Variants in STXBP5L observed in about 807,000 individuals in gnomAD.
The protein encoded by STXBP5L is syntaxin-binding protein 5-like.
A neutral mutation model predicts 144.5 loss-of-function variants in STXBP5L; 65 were observed. The ratio of observed to expected loss-of-function variants is 0.45; its 90% CI spans 0.37 to 0.55. The LOEUF is 0.55. Ranked by LOEUF, STXBP5L falls within the 20% of genes least tolerant of loss-of-function variation. The pLI is 0.00. For missense variants in STXBP5L, 1,298 were observed against 1,405.5 expected, an observed-to-expected ratio of 0.92 and a Z score of 1.22; for synonymous variants, 505 against 469.6, an observed-to-expected ratio of 1.08 and a Z score of -0.97.
At chr3:121,028,106 A>G (rs1380398346) in intron 3 of STXBP5L, among the ~76,000 whole-genome samples, 2 of 152,106 alleles carry the variant, frequency 1.3e-5, no homozygotes. Flanking sequence ...ATTAATTAAT[A>G]CAAGTATGTA....
chr3:120,976,696 T>C (rs1327195501), intron 3 of STXBP5L, among the ~76,000 whole-genome samples: 10 of 152,120 alleles, frequency 6.6e-5, no homozygotes, highest in Admixed American at 4.6e-4. Context: ...CTATAAATTT[T>C]CCTCTACACA....
intron 14 of STXBP5L, among the ~76,000 whole-genome samples, chr3:121,250,388 A>G (rs775722345): frequency 6.6e-6 from 1 of 152,034 alleles, no homozygotes; most frequent in Non-Finnish European, 1.5e-5. Flanking sequence ...TATCAAAATT[A>G]TCTATCCTTT....
intron 9 of STXBP5L, among the ~76,000 whole-genome samples, chr3:121,200,920 G>C (rs143583582): frequency 6.6e-6 from 1 of 152,146 alleles, no homozygotes; most frequent in Non-Finnish European, 1.5e-5. Context: ...GTCAATTTTA[G>C]AATAAGTGTT....
chr3:120,977,903 C>T (rs917163889), intron 3 of STXBP5L, among the ~76,000 whole-genome samples: 1 of 152,210 alleles, frequency 6.6e-6, no homozygotes, highest in African/African-American at 2.4e-5. Flanking sequence ...AGATTTTCTG[C>T]CAAGAGATCT....
chr3:121,093,400 C>T (rs1437376122), intron 5 of STXBP5L, among the ~76,000 whole-genome samples: 1 of 152,104 alleles, frequency 6.6e-6, no homozygotes, highest in Non-Finnish European at 1.5e-5. Context: ...TCCATCTGGT[C>T]CTGGACTCTT....
rs1260712929 is a variant in STXBP5L, at chr3:121,413,154, T to C, written c.2949-4T>C. 2 of 1,568,026 alleles carry C rather than the reference T, an allele frequency of 1.3e-6. No homozygotes were observed. Among genetic ancestry groups the C allele is most frequent in the African/African-American group, 2.7e-5 (2 of 72,966 alleles). ...GATATATGGATTTACTTTTTTCCAT[T>C]CAGCCTACCTAGTCTTCGCCCAATG... On this transcript the variant is annotated splice_polypyrimidine_tract_variant and splice_region_variant and intron_variant, in intron 23 of 26. Transcript: ENST00000471454.
intron 5 of STXBP5L, among the ~76,000 whole-genome samples, chr3:121,081,946 T>C (rs939251914): frequency 1.3e-5 from 2 of 152,188 alleles, no homozygotes; most frequent in African/African-American, 4.8e-5. Context: ...TGGGTCTATT[T>C]CAAGATTCTT....
intron 5 of STXBP5L, among the ~76,000 whole-genome samples, chr3:121,051,330 T>A (rs1947973875): frequency 6.6e-6 from 1 of 152,138 alleles, no homozygotes; most frequent in African/African-American, 2.4e-5. Context: ...GACCACATAG[T>A]TGGAAGTAAA....
intron 20 of STXBP5L, among the ~76,000 whole-genome samples, chr3:121,347,606 C>T (rs922808357): frequency 3.9e-5 from 6 of 152,122 alleles, no homozygotes; most frequent in African/African-American, 1.4e-4. Context: ...AATGTTCTTC[C>T]ATTTCTTTGT....
intron 5 of STXBP5L, among the ~76,000 whole-genome samples, chr3:121,072,457 G>A (rs1349255448): frequency 2.6e-5 from 4 of 152,246 alleles, no homozygotes; most frequent in Non-Finnish European, 2.9e-5. Context: ...TTCTAATGCA[G>A]TTTTTCCCAT....
rs1054998054 is a variant in STXBP5L, at chr3:121,413,048, A to C, written c.2949-110A>C. On this transcript the variant is annotated intron_variant, in intron 23 of 26. Transcript: ENST00000471454. ...GTCTCAAAAAAATATAAAAATAAAA[A>C]AATAAAAAGAAACAACCATAAAATA... The C allele has an allele frequency of 6.4e-6, 6 of 941,152 alleles. No homozygotes were observed. The African/African-American group carries it at 1.0e-4, about 16-fold the overall frequency. 58.3% of individuals were successfully genotyped at this position (941,152 alleles called of 1,614,324 possible).
rs185115705 is a variant in STXBP5L, at chr3:120,982,195, G to A, written c.287+27158G>A. Among the ~76,000 whole-genome samples the A allele has an allele frequency of 1.3e-3, 195 of 152,250 alleles. 1 individual carries two copies. Among genetic ancestry groups the A allele is most frequent in the African/African-American group, 4.5e-3 (187 of 41,534 alleles). On this transcript the variant is annotated intron_variant, in intron 3 of 26. Transcript: ENST00000471454. ...GCTGTGGCAGAAGCAGATGGGTATG[G>A]GCTTGATCTTTGTTTACTGGGAGGT...
intron 8 of STXBP5L, among the ~76,000 whole-genome samples, chr3:121,153,732 A>G (rs1185653034): frequency 6.6e-6 from 1 of 152,004 alleles, no homozygotes; most frequent in Non-Finnish European, 1.5e-5. Flanking sequence ...ATGTTTAGAA[A>G]TAAAATAAAA....
chr3:121,062,937 G>A (rs776743005), intron 5 of STXBP5L, among the ~76,000 whole-genome samples: 1 of 152,092 alleles, frequency 6.6e-6, no homozygotes, highest in African/African-American at 2.4e-5. Flanking sequence ...TAGCTTCCTT[G>A]CATTGGGTTA....
At chr3:121,347,873 T>A (rs1010961951) in intron 20 of STXBP5L, among the ~76,000 whole-genome samples, 1 of 152,202 alleles carries the variant, frequency 6.6e-6, no homozygotes, top group Admixed American at 6.5e-5. Flanking sequence ...ACGATGGGGT[T>A]TTCTAGATAT....
chr3:121,080,427 A>T (rs948053460), intron 5 of STXBP5L, among the ~76,000 whole-genome samples: 1 of 151,164 alleles, frequency 6.6e-6, no homozygotes, highest in African/African-American at 2.4e-5. Context: ...GCCCTGTGAG[A>T]TTTATGCTTT....
chr3:121,387,356 G>T (rs1393805041), intron 22 of STXBP5L, among the ~76,000 whole-genome samples: 1 of 152,176 alleles, frequency 6.6e-6, no homozygotes, highest in African/African-American at 2.4e-5. Context: ...TCTGTAGGTT[G>T]CCTGTTCACT....
chr3:120,960,135 C>G (rs1019949806), intron 3 of STXBP5L, among the ~76,000 whole-genome samples: 1 of 152,194 alleles, frequency 6.6e-6, no homozygotes, highest in African/African-American at 2.4e-5. Flanking sequence ...GACATTTATG[C>G]AGCCCAAAGA....
Position 121,420,367 on chromosome 3 carries a change from A to T in STXBP5L, c.*1270A>T, listed in dbSNP as rs1329896394. On this transcript the variant is annotated 3_prime_UTR_variant, in exon 27 of 27. Transcript: ENST00000471454. Reference sequence around the variant, plus strand: ...TCATTATAGACAATAGAAATACATAAAGAGTTTAATGATACAAAATCAATG... The same window carrying T: ...TCATTATAGACAATAGAAATACATATAGAGTTTAATGATACAAAATCAATG... 1 of 149,398 alleles carries T rather than the reference A, an allele frequency of 6.7e-6. No homozygotes were observed. Among genetic ancestry groups the T allele is most frequent in the Non-Finnish European group, 1.5e-5 (1 of 66,450 alleles). The allele number at this position is 149,398 out of a possible 1,614,324, so 9.3% of individuals were successfully genotyped here.
Sources: allele counts gnomAD v4.1 joint callset (sites outside exome capture counted in the v4.1 genomes callset), GRCh38; gene constraint gnomAD v4.1.1; transcripts MANE v1.5; gene names NCBI Gene and HGNC (gene_info 2026-07-23, HGNC 2026-07-21).